Variants in EXOC3 observed in about 807,000 individuals in gnomAD.
EXOC3 encodes SEC6-like 1.
Under a neutral mutation model 73.7 loss-of-function variants are expected in EXOC3, and 21 were observed. The observed-to-expected ratio is 0.29, with a 90% CI of 0.20 to 0.41. EXOC3 has a LOEUF of 0.41. Ranked by LOEUF, EXOC3 falls within the 10% of genes least tolerant of loss-of-function variation. The pLI is 1.00. For missense variants in EXOC3, 842 were observed against 985.1 expected (o/e 0.85, Z 1.95); for synonymous variants, 410 against 389.1 (o/e 1.05, Z -0.63).
intron 1 of EXOC3, among the ~76,000 whole-genome samples, chr5:444,406 A>G (rs1241502603): frequency 1.3e-5 from 2 of 152,226 alleles, no homozygotes; most frequent in Non-Finnish European, 2.9e-5. Context: ...TTCCACCCAC[A>G]GCGTGACAGA....
intron 10 of EXOC3, 50 bp downstream of exon 10, chr5:464,462 C>A: frequency 1.9e-6 from 3 of 1,593,674 alleles, no homozygotes; most frequent in Non-Finnish European, 2.6e-6. Flanking sequence ...TAGGGCTCAC[C>A]TCTCACCCTG....
rs1281960589 is a variant in EXOC3, at chr5:464,378, A to G, written c.1742A>G (p.Asn581Ser). The stretch of plus-strand genomic sequence containing the variant: ...TGTGTCACCGTGGAAGACTATTTCA[A>G]CGATTTTGCCAAAATTAAAAAGCCG... ...IICVTVEDYF[N>S]DFAKIKKPYK... Residue 581 changes from asparagine (N) to serine (S), a missense_variant, in exon 10 of 13, where the codon AAC (asparagine) becomes AGC (serine). Asn to Ser is a conservative substitution (Grantham distance 46). Transcript: ENST00000512944. The G allele has an allele frequency of 1.9e-6, 3 of 1,613,868 alleles. No homozygotes were observed. Among genetic ancestry groups the G allele is most frequent in the South Asian group, 2.2e-5 (2 of 91,076 alleles).
At chr5:453,332 G>A (rs1737708317) in intron 3 of EXOC3, 38 bp from the exon 4 acceptor site, 2 of 1,494,096 alleles carry the variant, frequency 1.3e-6, no homozygotes, top group African/African-American at 2.8e-5. Context: ...TTTATGTGGT[G>A]GTGGTTGTTT....
rs201996568 is a variant in EXOC3, at chr5:457,048, T to C, written c.1164+42T>C. 1,383 of 1,400,238 alleles carry C rather than the reference T, an allele frequency of 9.9e-4. 3 individuals are homozygous for C. Among genetic ancestry groups the C allele is most frequent in the Non-Finnish European group, 1.3e-3 (1,250 of 988,900 alleles). 86.7% of individuals were successfully genotyped at this position (1,400,238 alleles called of 1,614,324 possible). ...TGCGTGCCACAGACCACCGTGCTGG[T>C]TATATGAGTAACTAGGGCTTGGCAG... On this transcript the variant is annotated intron_variant, in intron 5 of 12. Transcript: ENST00000512944.
Position 465,258 on chromosome 5 carries a change from C to A in EXOC3, c.1924C>A (p.Arg642=). ...GGCAGAGCAGCTGCGCTTCCTGTTC[C>A]GGAAGCTGGCGTCCGTGAGTGTCGC... The part of the protein sequence containing the change: ...REAEQLRFLF[R]KLASGFGEDV... Residue 642 remains arginine (R), a synonymous_variant, in exon 11 of 13, where the codon CGG becomes AGG. Transcript: ENST00000512944. The A allele has an allele frequency of 6.3e-7, 1 of 1,584,586 alleles. No individual in the cohort carries two copies. Among genetic ancestry groups the A allele is most frequent in the East Asian group, 2.3e-5 (1 of 43,262 alleles).
intron 4 of EXOC3, among the ~76,000 whole-genome samples, chr5:455,132 A>G (rs76172073): frequency 9.1e-4 from 138 of 152,176 alleles, no homozygotes; most frequent in African/African-American, 3.1e-3. Flanking sequence ...CCCATTCTGT[A>G]GCCTTGACAG....
chr5:448,337 C>T (rs544675684), intron 3 of EXOC3, among the ~76,000 whole-genome samples: 3 of 152,170 alleles, frequency 2.0e-5, no homozygotes, highest in African/African-American at 7.2e-5. Flanking sequence ...CCAGCTGGCC[C>T]TGGGTGGTGG....
chr5:466,406 G>A (rs886651579), intron 12 of EXOC3: 9 of 321,416 alleles, frequency 2.8e-5, no homozygotes, highest in Admixed American at 9.1e-5. Flanking sequence ...CTGCAGCCGC[G>A]TCACCTCCGT....
In EXOC3 at chr5:446,394, G is replaced by C. The variant is rs562696807; in HGVS notation, c.144+45G>C. ...TCCCAGGATCTGTCTTGGGCTTCAG[G>C]TTCTTGCTTGACATCACCATGATGA... On this transcript the variant is annotated intron_variant, in intron 2 of 12. Transcript: ENST00000512944. 22 of 1,512,608 alleles carry C rather than the reference G, an allele frequency of 1.5e-5. No individual in the cohort carries two copies. In the East Asian group the frequency reaches 4.6e-4, roughly 32 times the overall value. 93.7% of individuals were successfully genotyped at this position (1,512,608 alleles called of 1,614,324 possible). A position where few individuals can be genotyped will look rare whatever the true frequency, so the allele number is the denominator to read the frequency against.
chr5:461,877 G>T, intron 7 of EXOC3, 83 bp from the exon 8 acceptor site: 4 of 887,244 alleles, frequency 4.5e-6, no homozygotes, highest in Non-Finnish European at 7.3e-6. Context: ...TGAAATTTCA[G>T]GCCAGGCGTG....
intron 10 of EXOC3, 177 bp from the exon 11 acceptor site, chr5:464,934 T>C (rs1215879659): frequency 1.5e-6 from 1 of 668,140 alleles, no homozygotes. Flanking sequence ...CCGTCACTGT[T>C]CCCCCACTGA....
Position 453,689 on chromosome 5 carries a change from C to T in EXOC3, c.684C>T (p.Asp228=). The change falls in exon 4 of 13, where the codon GAC becomes GAT. Residue 228 remains aspartate, a synonymous_variant. Transcript: ENST00000512944. The part of the protein sequence containing the change: ...REEKIDRRIL[D]RKKQTGFVPP... The stretch of plus-strand genomic sequence containing the variant: ...AGAAAATTGACAGGCGCATACTTGA[C>T]CGGAAAAAGCAAACTGGCTTTGTTC... 1 of 1,613,944 alleles carries T rather than the reference C, an allele frequency of 6.2e-7. No homozygotes were observed. Among genetic ancestry groups the T allele is most frequent in the Non-Finnish European group, 8.5e-7 (1 of 1,179,898 alleles).
At chr5:464,884 G>C (rs1000319134) in intron 10 of EXOC3, 3 of 582,028 alleles carry the variant, frequency 5.2e-6, no homozygotes, top group Non-Finnish European at 9.0e-6. Flanking sequence ...CGTCTGTCCT[G>C]CTGGGGGCCG....
intron 3 of EXOC3, 86 bp from the exon 4 acceptor site, chr5:453,284 C>A: frequency 2.0e-6 from 2 of 992,682 alleles, no homozygotes; most frequent in Non-Finnish European, 3.0e-6. Context: ...TGGCTTCCTG[C>A]TCTGCCGTGT....
chr5:448,059 T>C (rs1018168692), intron 3 of EXOC3, among the ~76,000 whole-genome samples: 4 of 152,166 alleles, frequency 2.6e-5, no homozygotes, highest in African/African-American at 9.7e-5. Flanking sequence ...GCTGTTAGAC[T>C]CTGTGAGTGC....
intron 7 of EXOC3, among the ~76,000 whole-genome samples, chr5:460,674 A>G (rs910867229): frequency 6.9e-6 from 1 of 145,570 alleles, no homozygotes; most frequent in African/African-American, 2.8e-5. Flanking sequence ...CCCACTGGCC[A>G]AGTCTTAGCC....
intron 4 of EXOC3, among the ~76,000 whole-genome samples, chr5:456,404 C>T (rs1737815227): frequency 6.6e-6 from 1 of 150,484 alleles, no homozygotes; most frequent in South Asian, 2.1e-4. Context: ...GTGGGGGCGG[C>T]TGTGCTTGTC....
At chr5:466,610 C>T in intron 12 of EXOC3, 117 bp from the exon 13 acceptor site, 1 of 932,296 alleles carries the variant, frequency 1.1e-6, no homozygotes, top group Non-Finnish European at 1.6e-6. Flanking sequence ...AATTTGTCTG[C>T]AGCGGTCCTC....
chr5:447,437 T>C (rs1259446965), intron 2 of EXOC3, 96 bp from the exon 3 acceptor site: 3 of 817,220 alleles, frequency 3.7e-6, no homozygotes, highest in South Asian at 1.9e-5. Context: ...TCAGTGGCTC[T>C]TTCCTGAACT....
Sources: allele counts gnomAD v4.1 joint callset (sites outside exome capture counted in the v4.1 genomes callset), GRCh38; gene constraint gnomAD v4.1.1; transcripts MANE v1.5; gene names NCBI Gene and HGNC (gene_info 2026-07-23, HGNC 2026-07-21).